Variants in DDX31 observed in about 807,000 individuals in gnomAD.
DDX31 encodes ATP-dependent DNA helicase DDX31.
DDX31 carries 70 observed loss-of-function variants against 91.3 expected under a neutral mutation model. The ratio of observed to expected loss-of-function variants is 0.77; its 90% CI spans 0.63 to 0.94. DDX31 has a LOEUF of 0.94. Ranked by LOEUF, DDX31 falls within the 40% of genes least tolerant of loss-of-function variation. The pLI, the probability that DDX31 is intolerant of heterozygous loss-of-function variation, is 0.00. For synonymous variants in DDX31, 362 were observed against 350.6 expected (o/e 1.03, Z -0.36); for missense variants, 902 against 925.0 (o/e 0.98, Z 0.32).
intron 6 of DDX31, among the ~76,000 whole-genome samples, chr9:132,657,242 C>T (rs929006154): frequency 2.6e-5 from 4 of 152,156 alleles, no homozygotes; most frequent in Admixed American, 6.5e-5. Flanking sequence ...AAATTCTGAA[C>T]CTATTCATTT....
At chr9:132,633,028 C>G (rs1408887886) in intron 14 of DDX31, among the ~76,000 whole-genome samples, 1 of 152,104 alleles carries the variant, frequency 6.6e-6, no homozygotes, top group Non-Finnish European at 1.5e-5. Flanking sequence ...CACTTACTAC[C>G]CACCACACAC....
intron 6 of DDX31, among the ~76,000 whole-genome samples, chr9:132,657,678 G>GT (rs1324548662): frequency 6.6e-6 from 1 of 152,170 alleles, no homozygotes; most frequent in Non-Finnish European, 1.5e-5. Context: ...GCTTTTGTCT[G>GT]TTTTTTGCAG....
At chr9:132,598,960 T>C (rs551888947) in intron 19 of DDX31, among the ~76,000 whole-genome samples, 32 of 152,354 alleles carry the variant, frequency 2.1e-4, no homozygotes, top group African/African-American at 7.5e-4. Flanking sequence ...AGTAACTCTT[T>C]TCCCCAAGGT....
chr9:132,599,662 G>A (rs1830623347), intron 19 of DDX31, among the ~76,000 whole-genome samples: 1 of 152,240 alleles, frequency 6.6e-6, no homozygotes, highest in Non-Finnish European at 1.5e-5. Flanking sequence ...TCAGAAACCT[G>A]TCTGCCTTTT....
intron 19 of DDX31, among the ~76,000 whole-genome samples, chr9:132,600,820 C>T (rs555807907): frequency 6.6e-6 from 1 of 152,286 alleles, no homozygotes; most frequent in East Asian, 1.9e-4. Context: ...CCAGTTCTGC[C>T]ACTCGCCTAG....
At position 132,619,883 on chromosome 9, in the gene DDX31, T is replaced by TG. The variant is rs966846254; in HGVS notation, c.1714-1443_1714-1442insC. ...GCGCAACTGTCACCTTCCCTGTGTT[T>TG]TTTTTTTTTTTTAATATGAATGTGA... is the stretch of plus-strand genomic sequence containing the variant. On this transcript the variant is annotated intron_variant, in intron 17 of 19. Coordinates refer to ENST00000372159, the MANE Select transcript of DDX31 (RefSeq NM_022779.9). Among the ~76,000 whole-genome samples the TG allele has an allele frequency of 3.3e-5, 5 of 151,262 alleles. No homozygotes were observed. The East Asian group carries it at 9.6e-4, about 29-fold the overall frequency.
intron 18 of DDX31, 79 bp from the exon 19 acceptor site, chr9:132,612,334 C>A: frequency 6.5e-7 from 1 of 1,532,626 alleles, no homozygotes; most frequent in Non-Finnish European, 9.0e-7. Context: ...TAATGGTTAT[C>A]TTCTGTACTT....
intron 19 of DDX31, among the ~76,000 whole-genome samples, chr9:132,599,266 A>C (rs1310520353): frequency 6.6e-6 from 1 of 152,244 alleles, no homozygotes; most frequent in Non-Finnish European, 1.5e-5. Context: ...TCATTTGTCC[A>C]GGGCCAAAAA....
In DDX31 at chr9:132,618,386, G is replaced by A. The variant is rs776979289; in HGVS notation, c.1769C>T (p.Thr590Met). The A allele has an allele frequency of 9.6e-5, 154 of 1,612,084 alleles. No homozygotes were observed. The highest frequency in any genetic ancestry group is 1.0e-4 in the Non-Finnish European group (121 of 1,179,266). Residue 590 changes from threonine (T) to methionine (M), a missense_variant, in exon 18 of 20, where the codon ACG (threonine) becomes ATG (methionine). Thr to Met is a moderately conservative substitution (Grantham distance 81, BLOSUM62 -1). Coordinates refer to ENST00000372159, the MANE Select transcript of DDX31 (RefSeq NM_022779.9). ...GGAGTGCACGTAATCTTCAAATACC[G>A]TCTGCAAGACTGTGGCTCGCTCTCG... ...EIRERATVLQ[T>M]VFEDYVHSSE...
chr9:132,663,122 T>C, intron 1 of DDX31: 1 of 1,249,716 alleles, frequency 8.0e-7, no homozygotes, highest in East Asian at 5.6e-5. Context: ...AACGAATCTT[T>C]TCTCTCCACC....
intron 6 of DDX31, 176 bp downstream of exon 6, chr9:132,658,495 C>T: frequency 1.5e-6 from 1 of 671,326 alleles, no homozygotes; most frequent in Non-Finnish European, 2.6e-6. Flanking sequence ...TGTATTTATT[C>T]TACTCTAGGC....
intron 19 of DDX31, among the ~76,000 whole-genome samples, chr9:132,604,858 G>A (rs1296352502): frequency 6.6e-6 from 1 of 152,224 alleles, no homozygotes; most frequent in Non-Finnish European, 1.5e-5. Context: ...TGTCTAGGTG[G>A]GGTGGAGGCC....
At chr9:132,635,743 C>T (rs537442087) in intron 14 of DDX31, among the ~76,000 whole-genome samples, 1 of 151,776 alleles carries the variant, frequency 6.6e-6, no homozygotes, top group East Asian at 2.0e-4. Flanking sequence ...GTCAGGAGTT[C>T]GAGACCAGCT....
chr9:132,655,894 G>C (rs537778886), intron 6 of DDX31, among the ~76,000 whole-genome samples: 3 of 152,222 alleles, frequency 2.0e-5, no homozygotes, highest in African/African-American at 7.2e-5. Flanking sequence ...ATTCAAACCA[G>C]AGTTGTCTGT....
chr9:132,667,652 C>T (rs1201112025), intron 1 of DDX31, among the ~76,000 whole-genome samples: 5 of 151,840 alleles, frequency 3.3e-5, no homozygotes, highest in Non-Finnish European at 7.4e-5. Context: ...GACAAGGCCA[C>T]CGCAGACACC....
intron 18 of DDX31, 175 bp from the exon 19 acceptor site, chr9:132,612,430 T>A: frequency 1.9e-5 from 12 of 645,494 alleles, no homozygotes; most frequent in East Asian, 6.1e-5. Flanking sequence ...TTTCTTCAAT[T>A]CCTAAACAAC....
intron 6 of DDX31, among the ~76,000 whole-genome samples, chr9:132,654,962 A>G (rs948402246): frequency 6.6e-5 from 10 of 151,742 alleles, no homozygotes; most frequent in Non-Finnish European, 1.0e-4. Flanking sequence ...AAAAAAAAAA[A>G]AAGAAGAAGA....
chr9:132,601,181 A>G (rs1358090527), intron 19 of DDX31, among the ~76,000 whole-genome samples: 1 of 152,210 alleles, frequency 6.6e-6, no homozygotes, highest in Non-Finnish European at 1.5e-5. Flanking sequence ...ATCATGAGGC[A>G]TGTCTACCAC....
At chr9:132,652,297 A>G (rs1423582110) in intron 7 of DDX31, 151 bp downstream of exon 7, 3 of 808,920 alleles carry the variant, frequency 3.7e-6, no homozygotes, top group Non-Finnish European at 5.7e-6. Context: ...TTTCTCCTTG[A>G]CAAGAACCAG....
Sources: allele counts gnomAD v4.1 joint callset (sites outside exome capture counted in the v4.1 genomes callset), GRCh38; gene constraint gnomAD v4.1.1; transcripts MANE v1.5; gene names NCBI Gene and HGNC (gene_info 2026-07-23, HGNC 2026-07-21).